The following TTLL7 variants were observed in gnomAD, a reference collection of about 807,000 sequenced individuals.
The protein encoded by TTLL7 is tubulin tyrosine ligase like 7, also known as tubulin polyglutamylase TTLL7.
A neutral mutation model predicts 120.2 loss-of-function variants in TTLL7; 53 were observed. The ratio of observed to expected loss-of-function variants is 0.44; its 90% CI spans 0.35 to 0.55. TTLL7 has a LOEUF of 0.55. Among genes scored for constraint, TTLL7 ranks in the 20% least tolerant of loss-of-function variants. The pLI is 0.00. For synonymous variants in TTLL7, 353 were observed against 351.7 expected, an observed-to-expected ratio of 1.00 and a Z score of -0.04; for missense variants, 803 against 1,054.7, an observed-to-expected ratio of 0.76 and a Z score of 3.31.
Position 83,866,958 on chromosome 1 carries a change from C to G in TTLL7, c.*3004G>C, listed in dbSNP as rs1169165876. ...GAAATTATTCAAATATTGCATAGTT[C>G]TAGAAAGCATTCCAATCTTAGATTT... is the stretch of plus-strand genomic sequence containing the variant. On this transcript the variant is annotated 3_prime_UTR_variant, in exon 21 of 21. Transcript: ENST00000260505. The G allele has an allele frequency of 2.0e-5, 3 of 151,732 alleles. No homozygotes were observed. Among genetic ancestry groups the G allele is most frequent in the Non-Finnish European group, 4.4e-5 (3 of 67,788 alleles). 9.4% of individuals were successfully genotyped at this position (151,732 alleles called of 1,614,324 possible).
At chr1:83,967,693 G>A (rs1377230234) in intron 1 of TTLL7, among the ~76,000 whole-genome samples, 1 of 151,944 alleles carries the variant, frequency 6.6e-6, no homozygotes, top group Non-Finnish European at 1.5e-5. Context: ...TAAAATTTTT[G>A]GCCCCGTAAA....
At chr1:83,923,636 T>C (rs1658867038) in intron 10 of TTLL7, among the ~76,000 whole-genome samples, 2 of 152,166 alleles carry the variant, frequency 1.3e-5, no homozygotes, top group African/African-American at 4.8e-5. Flanking sequence ...CATTGTTTTG[T>C]ATAAAGGAAC....
intron 18 of TTLL7, 29 bp from the exon 19 acceptor site, chr1:83,890,510 C>A (rs1440843324): frequency 6.3e-7 from 1 of 1,580,532 alleles, no homozygotes; most frequent in Non-Finnish European, 8.6e-7. Context: ...TACTTACAAT[C>A]TAGGAATGTA....
intron 20 of TTLL7, among the ~76,000 whole-genome samples, chr1:83,881,480 T>C (rs1335359762): frequency 1.3e-5 from 2 of 151,746 alleles, no homozygotes; most frequent in Non-Finnish European, 2.9e-5. Context: ...AAAAAACACA[T>C]GAAAAAATGC....
intron 10 of TTLL7, among the ~76,000 whole-genome samples, chr1:83,927,192 T>C (rs1016475036): frequency 6.6e-6 from 1 of 152,164 alleles, no homozygotes; most frequent in African/African-American, 2.4e-5. Context: ...CTGAAGGTCA[T>C]ACTGTAAGCA....
intron 18 of TTLL7, among the ~76,000 whole-genome samples, chr1:83,894,775 G>A (rs1001193972): frequency 3.9e-5 from 6 of 152,154 alleles, no homozygotes; most frequent in Non-Finnish European, 7.4e-5. Flanking sequence ...AGACTGACAT[G>A]GTCTGGGCAA....
Position 83,985,523 on chromosome 1 carries a change from T to G in TTLL7, c.-177+13408A>C, listed in dbSNP as rs187631685. Among the ~76,000 whole-genome samples the G allele has an allele frequency of 2.4e-4, 36 of 152,242 alleles. No homozygotes were observed. The East Asian group carries it at 6.8e-3, about 29-fold the overall frequency. ...TAATACTTTACCAGCTATCTAGGCA[T>G]CCTTCAATCCAACCAAGTTGACACC... On this transcript the variant is annotated intron_variant, in intron 1 of 20. Transcript: ENST00000260505.
intron 1 of TTLL7, among the ~76,000 whole-genome samples, chr1:83,985,818 A>G (rs991924941): frequency 1.3e-5 from 2 of 152,186 alleles, no homozygotes; most frequent in African/African-American, 4.8e-5. Flanking sequence ...TAGCAAAACT[A>G]ATCAATTTCT....
chr1:83,910,090 T>C (rs1657549646), intron 15 of TTLL7, among the ~76,000 whole-genome samples: 1 of 152,146 alleles, frequency 6.6e-6, no homozygotes, highest in Non-Finnish European at 1.5e-5. Context: ...ACATAAACCC[T>C]GGAAGATATG....
rs145171527 is a variant in TTLL7, at chr1:83,956,311, G to T, written c.-176-3924C>A. 1.3e-3 allele frequency among the ~76,000 whole-genome samples: 190 copies of T among 151,134 alleles called. 1 individual carries two copies. Among genetic ancestry groups the T allele is most frequent in the African/African-American group, 4.3e-3 (177 of 41,280 alleles). On this transcript the variant is annotated intron_variant, in intron 1 of 20. Coordinates refer to ENST00000260505, the MANE Select transcript of TTLL7 (RefSeq NM_024686.6). The stretch of plus-strand genomic sequence containing the variant: ...GTATTTATTTATTTATTATTTTAGA[G>T]ATGGGGTCTCACTATGTTGACCAGG...
intron 18 of TTLL7, among the ~76,000 whole-genome samples, chr1:83,902,442 C>T (rs923407749): frequency 5.3e-5 from 8 of 151,956 alleles, no homozygotes; most frequent in African/African-American, 1.7e-4. Flanking sequence ...TTGGGGTCAT[C>T]GCTAACATCC....
chr1:83,927,649 C>A (rs780118467), intron 10 of TTLL7, among the ~76,000 whole-genome samples: 3 of 152,094 alleles, frequency 2.0e-5, no homozygotes, highest in Non-Finnish European at 4.4e-5. Context: ...TATTTAGGTT[C>A]TTGAGCAGAA....
At chr1:83,935,455 T>G (rs920304744) in intron 8 of TTLL7, among the ~76,000 whole-genome samples, 1 of 152,110 alleles carries the variant, frequency 6.6e-6, no homozygotes, top group African/African-American at 2.4e-5. Flanking sequence ...CTACTGTTTT[T>G]GAGAATTTAC....
At chr1:83,914,330 T>C (rs2100778717) in intron 14 of TTLL7, among the ~76,000 whole-genome samples, 2 of 135,586 alleles carry the variant, frequency 1.5e-5, no homozygotes, top group South Asian at 5.2e-4. Flanking sequence ...TCTCTTTTTT[T>C]TTTTTTTTTT....
chr1:83,936,760 A>ATCATTTATG (rs11281509), intron 8 of TTLL7, among the ~76,000 whole-genome samples: 152,033 of 152,044 alleles, frequency 1, 76,011 homozygotes, highest in Middle Eastern at 1. Flanking sequence ...AACATTTAAA[A>ATCATTTATG]TCATTTATGT....
intron 15 of TTLL7, among the ~76,000 whole-genome samples, chr1:83,910,573 G>C (rs960276697): frequency 6.6e-6 from 1 of 151,986 alleles, no homozygotes; most frequent in Non-Finnish European, 1.5e-5. Flanking sequence ...GACAGAAGGA[G>C]AGAAAAGGAA....
chr1:83,883,600 A>G (rs12732697), intron 19 of TTLL7, among the ~76,000 whole-genome samples: 65,820 of 151,886 alleles, frequency 0.43, 15,623 homozygotes, highest in Non-Finnish European at 0.54. Flanking sequence ...TTGGATGGCT[A>G]ATAGGATAGT....
chr1:83,938,134 T>C, intron 7 of TTLL7, 118 bp from the exon 8 acceptor site: 1 of 813,540 alleles, frequency 1.2e-6, no homozygotes, highest in Non-Finnish European at 2.0e-6. Flanking sequence ...ACTACATAGA[T>C]GAACAATCTC....
At position 83,883,103 on chromosome 1, in the gene TTLL7, CG is replaced by C; in HGVS notation, c.2402del (p.Pro801ArgfsTer4). ...SSWESIFNKS[P>X]EVVTPLQLQC... is the part of the protein sequence containing the mutation. ...GGAGCTGCAAAGGAGTCACCACCTC[CG>C]GGCTTTTATTGAATATACTCTCCCA... On this transcript the variant is annotated frameshift_variant, in exon 20 of 21. Coordinates refer to ENST00000260505, the MANE Select transcript of TTLL7 (RefSeq NM_024686.6). LOFTEE classifies it high-confidence loss of function. 6.2e-7 allele frequency: 1 copy of C among 1,609,890 alleles called. No homozygotes were observed. Among genetic ancestry groups the C allele is most frequent in the Non-Finnish European group, 8.5e-7 (1 of 1,178,016 alleles).
Sources: gnomAD v4.1 joint callset for allele counts (sites outside exome capture counted in the v4.1 genomes callset) on GRCh38, gnomAD v4.1.1 for gene constraint, MANE v1.5 for transcripts, NCBI Gene and HGNC (gene_info 2026-07-23, HGNC 2026-07-21) for gene names.